MBP: variants seen among roughly 807,000 people sequenced by gnomAD.
MBP encodes the protein myelin basic protein.
Under a neutral mutation model 35.8 loss-of-function variants are expected in MBP, and 16 were observed. The ratio of observed to expected loss-of-function variants is 0.45; its 90% CI spans 0.30 to 0.68. The LOEUF (loss-of-function observed/expected upper bound fraction) is 0.68, where lower values mean the gene tolerates loss of function less well. Ranked by LOEUF, MBP falls within the 30% of genes least tolerant of loss-of-function variation. MBP has a pLI of 0.08. For synonymous variants in MBP, 143 were observed against 159.6 expected, an observed-to-expected ratio of 0.90 and a Z score of 0.78; for missense variants, 380 against 404.7, an observed-to-expected ratio of 0.94 and a Z score of 0.52.
rs148716184 is a variant in MBP, at chr18:76,980,459, T to C, written c.883A>G (p.Ser295Gly). The C allele has an allele frequency of 7.4e-5, 119 of 1,613,774 alleles. No individual in the cohort carries two copies. The highest frequency in any genetic ancestry group is 9.3e-5 in the Non-Finnish European group (110 of 1,179,738). ...CTAGCCATGGGTGATCCAGAGCGAC[T>C]ATCTCTTCCTCCCTGAAAAGGAAGA... ...SKIFKLGGRD[S>G]RSGSPMARR The change falls in exon 9 of 9, where the codon AGT (serine) becomes GGT (glycine). Residue 295 changes from serine (S) to glycine (G), a missense_variant. Physicochemically the swap from Ser to Gly is moderately conservative, Grantham distance 56. Transcript: ENST00000355994.
At chr18:77,009,819 C>T in intron 4 of MBP, 1 of 1,547,676 alleles carries the variant, frequency 6.5e-7, no homozygotes, top group Non-Finnish European at 8.7e-7. Context: ...ACCCCTGGCC[C>T]CGATGGGTGA....
At chr18:77,026,683 C>T (rs753384525) in intron 3 of MBP, among the ~76,000 whole-genome samples, 1 of 152,032 alleles carries the variant, frequency 6.6e-6, no homozygotes, top group African/African-American at 2.4e-5. Context: ...CTGAGCAACG[C>T]AGCAAGACCT....
chr18:76,999,106 G>T (rs1274499025), intron 4 of MBP, among the ~76,000 whole-genome samples: 5 of 152,110 alleles, frequency 3.3e-5, no homozygotes, highest in Non-Finnish European at 7.3e-5. Flanking sequence ...CAGGTTACCT[G>T]TTCCTAGGTG....
chr18:77,093,618 C>T (rs1975631372), intron 2 of MBP, among the ~76,000 whole-genome samples: 1 of 152,212 alleles, frequency 6.6e-6, no homozygotes, highest in Non-Finnish European at 1.5e-5. Context: ...AGACTTCCTT[C>T]GTGAATCTCC....
intron 1 of MBP, among the ~76,000 whole-genome samples, chr18:77,125,756 A>G (rs529723217): frequency 6.6e-6 from 1 of 151,738 alleles, no homozygotes; most frequent in African/African-American, 2.4e-5. Flanking sequence ...TTTTTTTTGT[A>G]TCAAAACTTT....
At chr18:77,068,919 C>T in intron 2 of MBP, 1 of 456,906 alleles carries the variant, frequency 2.2e-6, no homozygotes, top group Non-Finnish European at 4.4e-6. Context: ...CAAAGAGCAG[C>T]AGCCGCCACC....
intron 7 of MBP, chr18:76,987,836 C>A: frequency 9.6e-7 from 1 of 1,039,378 alleles, no homozygotes; most frequent in Non-Finnish European, 1.2e-6. Flanking sequence ...TTGGCTCAGA[C>A]ACCAAATTTT....
intron 3 of MBP, chr18:77,017,553 G>A (rs1971724021): frequency 3.3e-6 from 1 of 302,914 alleles, no homozygotes; most frequent in South Asian, 1.5e-4. Context: ...ATGCAGAGCA[G>A]CCACATCAGC....
chr18:77,022,319 C>G (rs1972021541), intron 3 of MBP, among the ~76,000 whole-genome samples: 2 of 152,130 alleles, frequency 1.3e-5, no homozygotes, highest in Admixed American at 1.3e-4. Context: ...GCTGGCTGAG[C>G]CCTGTGCCTG....
chr18:77,042,647 A>G (rs1197549151), intron 3 of MBP, among the ~76,000 whole-genome samples: 1 of 152,178 alleles, frequency 6.6e-6, no homozygotes, highest in Non-Finnish European at 1.5e-5. Context: ...ACAGTTGCAG[A>G]GCTGTACGCA....
At chr18:77,002,678 G>A (rs1159346723) in intron 4 of MBP, among the ~76,000 whole-genome samples, 1 of 152,226 alleles carries the variant, frequency 6.6e-6, no homozygotes, top group Non-Finnish European at 1.5e-5. Context: ...GGAGCTGCTC[G>A]CAGAGGCTGC....
chr18:77,066,962 C>T (rs967323218), intron 2 of MBP, among the ~76,000 whole-genome samples: 4 of 152,242 alleles, frequency 2.6e-5, no homozygotes, highest in African/African-American at 9.6e-5. Context: ...CAGAGTTTCT[C>T]CTCTGGGCCT....
intron 2 of MBP, among the ~76,000 whole-genome samples, chr18:77,076,535 C>T (rs1974659387): frequency 6.6e-6 from 1 of 152,194 alleles, no homozygotes; most frequent in African/African-American, 2.4e-5. Context: ...TTCCAGCTCA[C>T]AAAATCCTGA....
intron 4 of MBP, among the ~76,000 whole-genome samples, chr18:77,009,246 C>A (rs1049879322): frequency 8.5e-5 from 13 of 152,264 alleles, no homozygotes; most frequent in East Asian, 3.9e-4. Flanking sequence ...GCTCCTGGCA[C>A]CTATGTGCTT....
intron 4 of MBP, among the ~76,000 whole-genome samples, chr18:76,995,500 T>G (rs1473453652): frequency 6.6e-6 from 1 of 152,136 alleles, no homozygotes; most frequent in Non-Finnish European, 1.5e-5. Context: ...CCTAGATTAA[T>G]GGACAGAATG....
intron 1 of MBP, chr18:77,110,368 C>G (rs1220876374): frequency 6.6e-6 from 1 of 152,186 alleles, no homozygotes. Flanking sequence ...TTCTTGGGCC[C>G]TGAACTCTTT....
chr18:77,007,927 AT>A (rs887277884), intron 4 of MBP, among the ~76,000 whole-genome samples: 1 of 152,040 alleles, frequency 6.6e-6, no homozygotes, highest in African/African-American at 2.4e-5. Flanking sequence ...CTGCTAAATA[AT>A]TTTTTTTAGA....
intron 3 of MBP, among the ~76,000 whole-genome samples, chr18:77,021,710 C>G (rs1408162967): frequency 2.0e-5 from 3 of 152,180 alleles, no homozygotes; most frequent in Non-Finnish European, 4.4e-5. Flanking sequence ...GTCTCGAACT[C>G]CTGACCTCGT....
chr18:77,046,081 T>C (rs1973245573), intron 3 of MBP, among the ~76,000 whole-genome samples: 1 of 152,252 alleles, frequency 6.6e-6, no homozygotes, highest in Non-Finnish European at 1.5e-5. Flanking sequence ...CTTAATAATC[T>C]AGATATTCAA....
Sources: allele counts gnomAD v4.1 joint callset (sites outside exome capture counted in the v4.1 genomes callset), GRCh38; gene constraint gnomAD v4.1.1; transcripts MANE v1.5; gene names NCBI Gene and HGNC (gene_info 2026-07-23, HGNC 2026-07-21).